TRIM39: variants seen among roughly 807,000 people sequenced by gnomAD.
The protein encoded by TRIM39 is tripartite motif containing 39.
TRIM39 carries 5 observed loss-of-function variants against 53.6 expected under a neutral mutation model. That is an observed-to-expected ratio of 0.09 (90% CI 0.05 to 0.20). TRIM39 has a LOEUF of 0.20. Among genes scored for constraint, TRIM39 ranks in the 10% least tolerant of loss-of-function variants. TRIM39 has a pLI of 1.00. For missense variants in TRIM39, 310 were observed against 621.0 expected (o/e 0.50, Z 5.32); for synonymous variants, 196 against 237.6 (o/e 0.82, Z 1.61).
chr6:30,334,198 A>T (rs962941440), intron 4 of TRIM39, among the ~76,000 whole-genome samples: 1 of 151,058 alleles, frequency 6.6e-6, no homozygotes, highest in Admixed American at 6.6e-5. Flanking sequence ...TTGCATCCCC[A>T]CTCTCTCTCC....
exon 3 of TRIM39, chr6:30,329,551 C>A (rs1243704180): frequency 6.2e-7 from 1 of 1,613,132 alleles, no homozygotes; most frequent in Non-Finnish European, 8.5e-7. Flanking sequence ...ACCGCAGTCT[C>A]CGACCTAATC....
chr6:30,336,169 CTTATCTCTGGTCAGCAA>C (rs1786836283), intron 5 of TRIM39, 194 bp downstream of exon 5: 1 of 820,464 alleles, frequency 1.2e-6, no homozygotes, highest in African/African-American at 1.7e-5. Context: ...TTTTTGTGTT[CTTATCTCTGGTCAGCAA>C]TTATGTGCTT....
intron 7 of TRIM39, 78 bp downstream of exon 7, chr6:30,340,698 C>T: frequency 6.9e-7 from 1 of 1,439,824 alleles, no homozygotes; most frequent in Non-Finnish European, 9.4e-7. Flanking sequence ...ATATGGGTTT[C>T]AGTTATCCTA....
At chr6:30,333,611 T>G (rs1440842066) in intron 4 of TRIM39, among the ~76,000 whole-genome samples, 1 of 151,962 alleles carries the variant, frequency 6.6e-6, no homozygotes, top group Non-Finnish European at 1.5e-5. Context: ...TCTGCCCACC[T>G]CGGCCTCCCA....
chr6:30,340,929 C>T (rs116364492), intron 7 of TRIM39, among the ~76,000 whole-genome samples: 2,322 of 152,188 alleles, frequency 0.015, 66 homozygotes, highest in African/African-American at 0.053. Flanking sequence ...CTTCAAAGGC[C>T]GGGTGCGGTG....
At chr6:30,343,067 C>T (rs1415946655) in exon 8 of TRIM39, 1 of 152,636 alleles carries the variant, frequency 6.6e-6, no homozygotes, top group African/African-American at 2.4e-5. Flanking sequence ...AGAGATCCTG[C>T]AAGACACATC....
intron 4 of TRIM39, among the ~76,000 whole-genome samples, chr6:30,334,196 C>T (rs1786571976): frequency 6.6e-6 from 1 of 152,204 alleles, no homozygotes; most frequent in African/African-American, 2.4e-5. Flanking sequence ...CTTTGCATCC[C>T]CACTCTCTCT....
chr6:30,331,065 T>C (rs1786091771), intron 4 of TRIM39, among the ~76,000 whole-genome samples, 189 bp downstream of exon 4: 1 of 151,662 alleles, frequency 6.6e-6, no homozygotes, highest in Non-Finnish European at 1.5e-5. Flanking sequence ...AGCTCAGGAG[T>C]TTGAGACCAC....
At chr6:30,327,309 C>G (rs1383903363) in intron 1 of TRIM39, 1 of 152,954 alleles carries the variant, frequency 6.5e-6, no homozygotes, top group Non-Finnish European at 1.5e-5. Flanking sequence ...ACCTCTTTCT[C>G]ACCTGGACAC....
intron 2 of TRIM39, 40 bp downstream of exon 2, chr6:30,329,081 T>G: frequency 1.8e-6 from 1 of 547,984 alleles, no homozygotes; most frequent in Non-Finnish European, 3.2e-6. Flanking sequence ...TGTGTGTCAG[T>G]TTACTAACAA....
intron 1 of TRIM39, chr6:30,327,429 G>A (rs1785498890): frequency 6.5e-6 from 1 of 153,018 alleles, no homozygotes; most frequent in South Asian, 2.1e-4. Flanking sequence ...CAGAGTTGTG[G>A]ACAACCTCTC....
In TRIM39 at chr6:30,335,733, C is replaced by G; in HGVS notation, c.550-12C>G. ...TGACCCTGCTGATACAACATCTTCC[C>G]TCTCTTCTCAGAGACTAGTGGAAAG... On this transcript the variant is annotated splice_polypyrimidine_tract_variant and intron_variant, in intron 4 of 7. Coordinates refer to ENST00000396551, the Ensembl canonical transcript of TRIM39. This position sits in a 1 kb window ranked among gnomAD's most constrained non-coding sequence, Gnocchi z 4.7. 6.2e-7 allele frequency: 1 copy of G among 1,611,866 alleles called. No individual in the cohort carries two copies. The highest frequency in any genetic ancestry group is 1.3e-5 in the African/African-American group (1 of 74,996).
chr6:30,340,047 G>A (rs1473170702), intron 6 of TRIM39, 117 bp downstream of exon 6: 3 of 1,492,796 alleles, frequency 2.0e-6, no homozygotes, highest in Non-Finnish European at 2.8e-6. Flanking sequence ...GTCTGGGCAG[G>A]GTATGGGAGA....
intron 4 of TRIM39, among the ~76,000 whole-genome samples, chr6:30,334,628 C>T (rs528162757): frequency 1.3e-5 from 2 of 152,332 alleles, no homozygotes; most frequent in South Asian, 2.1e-4. Context: ...CTGATTCTTA[C>T]ACTTTCCCAG....
At chr6:30,343,539 C>T (rs769341895) in exon 8 of TRIM39, 13 of 152,646 alleles carry the variant, frequency 8.5e-5, no homozygotes, top group Non-Finnish European at 8.8e-5. Flanking sequence ...ATCTGCTATT[C>T]GGGTAATCTT....
intron 5 of TRIM39, among the ~76,000 whole-genome samples, chr6:30,336,648 C>G (rs571912306): frequency 9.8e-5 from 15 of 152,324 alleles, no homozygotes; most frequent in African/African-American, 3.1e-4. Context: ...ATTTTACTCA[C>G]CAGTAGAACT....
chr6:30,342,067 C>A lies in TRIM39; in HGVS notation c.1275C>A (p.Pro425=), dbSNP rs755435957. ...CCCCTTTGCACATCAAGGTGAAACC[C>A]AAGCGGGTAGGCATATTCCTAGACT... The change falls in exon 8 of 8, where the codon CCC becomes CCA. Residue 425 remains proline (P), a synonymous_variant. Transcript: ENST00000396551. This position sits in a 1 kb window ranked among gnomAD's most constrained non-coding sequence, Gnocchi z 4.7. The A allele has an allele frequency of 6.2e-7, 1 of 1,613,080 alleles. No homozygotes were observed. Among genetic ancestry groups the A allele is most frequent in the Non-Finnish European group, 8.5e-7 (1 of 1,180,046 alleles).
intron 1 of TRIM39, chr6:30,327,599 C>G (rs1327036819): frequency 6.6e-6 from 1 of 152,400 alleles, no homozygotes. Context: ...GAGTCCTCTC[C>G]CTTCTTCCCT....
intron 7 of TRIM39, among the ~76,000 whole-genome samples, chr6:30,340,991 T>G (rs1787452003): frequency 6.6e-6 from 1 of 152,140 alleles, no homozygotes; most frequent in South Asian, 2.1e-4. Flanking sequence ...GTGGATCACT[T>G]GAGGTCAGGA....
Sources: allele counts gnomAD v4.1 joint callset (sites outside exome capture counted in the v4.1 genomes callset), GRCh38; gene constraint gnomAD v4.1.1; non-coding constraint Gnocchi (gnomAD v3.1); transcripts MANE v1.5; gene names NCBI Gene and HGNC (gene_info 2026-07-23, HGNC 2026-07-21).